Variants in WIZ observed in about 807,000 individuals in gnomAD.
WIZ encodes protein Wiz.
Under a neutral mutation model 140.2 loss-of-function variants are expected in WIZ, and 25 were observed. The observed-to-expected ratio is 0.18, with a 90% CI of 0.13 to 0.25. The LOEUF (loss-of-function observed/expected upper bound fraction) is 0.25, where lower values mean the gene tolerates loss of function less well. WIZ is among the 10% of genes least tolerant of loss of function. The probability of loss-of-function intolerance (pLI) is 1.00; values close to 1 mark genes in which losing one functional copy is unlikely to be tolerated. For synonymous variants in WIZ, 1,125 were observed against 1,154.3 expected (o/e 0.97, Z 0.51); for missense variants, 2,231 against 2,632.6 (o/e 0.85, Z 3.34).
Position 15,439,972 on chromosome 19 carries a change from G to T in WIZ, c.1022C>A (p.Pro341Gln), listed in dbSNP as rs866487031. Residue 341 changes from proline (P) to glutamine (Q), a missense_variant, in exon 4 of 13, where the codon CCG (proline) becomes CAG (glutamine). Pro to Gln is a moderately conservative substitution (Grantham distance 76). This residue lies in a region of WIZ where 475 missense variants were observed against 520.2 expected (regional missense o/e 0.91). Transcript: ENST00000673675. The surrounding 1 kb of genome is among the most constrained non-coding windows in gnomAD (Gnocchi z 7.0). ...LEHMSQHRRA[P>Q]GQEPPADLAP... ...CAGGTCCGCAGGGGGCTCCTGGCCCGGGGCTCGGCGGTGCTGGCTCATGTG... is the reference window on the plus strand; with the variant it reads ...CAGGTCCGCAGGGGGCTCCTGGCCCTGGGCTCGGCGGTGCTGGCTCATGTG... The T allele has an allele frequency of 1.3e-6, 2 of 1,535,604 alleles. No homozygotes were observed. The highest frequency in any genetic ancestry group is 1.4e-5 in the African/African-American group (1 of 73,140).
Position 15,422,924 on chromosome 19 carries a change from G to T in WIZ, c.*152C>A. Reference sequence around the variant, plus strand: ...GCAGCTAGCTGGCTCCCGGCGCCCTGGCTGTAGTGTGCCCGGCCCCCAAGG... The same window carrying T: ...GCAGCTAGCTGGCTCCCGGCGCCCTTGCTGTAGTGTGCCCGGCCCCCAAGG... On this transcript the variant is annotated 3_prime_UTR_variant, in exon 13 of 13. Coordinates refer to ENST00000673675, the MANE Select transcript of WIZ (RefSeq NM_001371589.1). The T allele has an allele frequency of 8.3e-7, 1 of 1,209,952 alleles. No individual in the cohort carries two copies. The highest frequency in any genetic ancestry group is 1.1e-6 in the Non-Finnish European group (1 of 894,998). The allele number at this position is 1,209,952 out of a possible 1,614,324, so 75.0% of individuals were successfully genotyped here. A position where few individuals can be genotyped will look rare whatever the true frequency, so the allele number is the denominator to read the frequency against.
rs570991099 is a variant in WIZ at position 15,428,095 on chromosome 19, G to A, written c.3814+15C>T. The stretch of plus-strand genomic sequence containing the variant: ...GGCCCGCAGTGAGGAGGGGGCAGCT[G>A]AAGCGAGAACCTACAGAGGTTGAGA... On this transcript the variant is annotated intron_variant, in intron 8 of 12. Transcript: ENST00000673675. This position sits in a 1 kb window ranked among gnomAD's most constrained non-coding sequence, Gnocchi z 6.4. The A allele has an allele frequency of 4.6e-6, 7 of 1,533,362 alleles. No homozygotes were observed. Among genetic ancestry groups the A allele is most frequent in the South Asian group, 2.4e-5 (2 of 83,930 alleles). The allele number at this position is 1,533,362 out of a possible 1,614,324, so 95.0% of individuals were successfully genotyped here. A position where few individuals can be genotyped will look rare whatever the true frequency, so the allele number is the denominator to read the frequency against.
At position 15,428,573 on chromosome 19, in the gene WIZ, T is replaced by C. The variant is rs1969012238; in HGVS notation, c.3416-65A>G. ...CTTGGCCGGCCTTGGGGGCCTGAGG[T>C]AGGAGGGTCTGGTGTGATTTTTGGC... On this transcript the variant is annotated intron_variant, in intron 7 of 12. Coordinates refer to ENST00000673675, the MANE Select transcript of WIZ (RefSeq NM_001371589.1). This position sits in a 1 kb window ranked among gnomAD's most constrained non-coding sequence, Gnocchi z 6.4. The C allele has an allele frequency of 6.5e-6, 10 of 1,528,788 alleles. No individual in the cohort carries two copies. The highest frequency in any genetic ancestry group is 7.9e-6 in the Non-Finnish European group (9 of 1,142,864). The allele number at this position is 1,528,788 out of a possible 1,614,324, so 94.7% of individuals were successfully genotyped here.
chr19:15,431,186 T>C lies in WIZ; in HGVS notation c.2741-4A>G. 6.6e-7 allele frequency: 1 copy of C among 1,512,010 alleles called. No homozygotes were observed. Among genetic ancestry groups the C allele is most frequent in the Non-Finnish European group, 8.8e-7 (1 of 1,131,642 alleles). 93.7% of individuals were successfully genotyped at this position (1,512,010 alleles called of 1,614,324 possible). ...GCGTTTTCCTCAGAACCCAGGCCTG[T>C]GGGTTGGGGAGACAGGCTCAGCCCA... On this transcript the variant is annotated splice_polypyrimidine_tract_variant and splice_region_variant and intron_variant, in intron 5 of 12. Transcript: ENST00000673675.
At position 15,430,000 on chromosome 19, in the gene WIZ, G is replaced by A. The variant is rs552734817; in HGVS notation, c.3001C>T (p.Leu1001=). ...SSHARSHLRQ[L]GVAESESSGA... ...CTGCTTTCCGACTCTGCCACTCCCA[G>A]CTGCCGCAGGTGGGAGCGCGCGTGG... The change falls in exon 7 of 13, where the codon CTG becomes TTG. Residue 1001 remains leucine (L), a synonymous_variant. Transcript: ENST00000673675. 19 of 1,536,030 alleles carry A rather than the reference G, an allele frequency of 1.2e-5. No homozygotes were observed. The African/African-American group carries it at 1.8e-4, about 14-fold the overall frequency.
chr19:15,435,925 C>A (rs1335806363), intron 5 of WIZ, among the ~76,000 whole-genome samples: 3 of 152,216 alleles, frequency 2.0e-5, no homozygotes, highest in East Asian at 1.9e-4. Flanking sequence ...GAGTTTGAGA[C>A]CAGCCTGGCC....
Position 15,438,765 on chromosome 19 carries a change from T to C in WIZ, c.2229A>G (p.Ala743=). 1 of 1,535,128 alleles carries C rather than the reference T, an allele frequency of 6.5e-7. No homozygotes were observed. The change falls in exon 4 of 13, where the codon GCA becomes GCG. Residue 743 remains alanine (A), a synonymous_variant. Transcript: ENST00000673675. ...GGCATTTCCGCTCCTCGTGCTTCAGTGCCATGGCCGGATCCCCATCCAGGA... is the reference window on the plus strand; with the variant it reads ...GGCATTTCCGCTCCTCGTGCTTCAGCGCCATGGCCGGATCCCCATCCAGGA... ...DTLLDGDPAM[A]LKHEERKCPY...
At chr19:15,432,337 G>T (rs12459348) in intron 5 of WIZ, 492,458 of 656,284 alleles carry the variant, frequency 0.75, 185,788 homozygotes, top group East Asian at 0.99. Context: ...GGAGGGGGGG[G>T]TCCCGCAGAC....
At chr19:15,426,059 C>G (rs1172391846) in intron 9 of WIZ, among the ~76,000 whole-genome samples, 1 of 151,766 alleles carries the variant, frequency 6.6e-6, no homozygotes, top group Non-Finnish European at 1.5e-5. Flanking sequence ...CTTTTAACAT[C>G]TGGCTCTTCT....
Position 15,424,583 on chromosome 19 carries a change from G to A in WIZ, c.5314+30C>T, listed in dbSNP as rs753155525. ...GGTGGGCCTGACAGGTGCCCGCTGC[G>A]CTCCCGACCCTCCTCCACCAAGCAC... On this transcript the variant is annotated intron_variant, in intron 11 of 12. Coordinates refer to ENST00000673675, the MANE Select transcript of WIZ (RefSeq NM_001371589.1). The surrounding 1 kb of genome is among the most constrained non-coding windows in gnomAD (Gnocchi z 9.7). The A allele has an allele frequency of 5.1e-6, 8 of 1,565,698 alleles. No homozygotes were observed. The Admixed American group carries it at 5.4e-5, about 11-fold the overall frequency.
In WIZ at chr19:15,439,125, C is replaced by A. The variant is rs1599700073; in HGVS notation, c.1869G>T (p.Glu623Asp). 2.0e-6 allele frequency: 3 copies of A among 1,486,820 alleles called. No individual in the cohort carries two copies. The East Asian group carries it at 7.5e-5, about 37-fold the overall frequency. The allele number at this position is 1,486,820 out of a possible 1,614,324, so 92.1% of individuals were successfully genotyped here. A position where few individuals can be genotyped will look rare whatever the true frequency, so the allele number is the denominator to read the frequency against. The change falls in exon 4 of 13, where the codon GAG becomes GAT. Residue 623 changes from glutamate to aspartate, a missense_variant. By Grantham distance (45) the Glu-to-Asp change is conservative (BLOSUM62 2). Transcript: ENST00000673675. The surrounding 1 kb of genome is among the most constrained non-coding windows in gnomAD (Gnocchi z 7.0). Reference sequence around the variant, plus strand: ...TCTCGGAGGTCAGCACTACATCCTCCTCCTCCTCCTCCTCCTCCTCCTCTT... The same window carrying A: ...TCTCGGAGGTCAGCACTACATCCTCATCCTCCTCCTCCTCCTCCTCCTCTT... ...WSEEEEEEEE[E>D]EDVVLTSEMD...
At position 15,423,255 on chromosome 19, in the gene WIZ, G is replaced by T; in HGVS notation, c.5511-20C>A. ...CAGAACCTGCATGGGGGAACAGAGA[G>T]AGGGAGTGGCCAGTGCTGTGAGGAG... On this transcript the variant is annotated intron_variant, in intron 12 of 12. Transcript: ENST00000673675. 6.2e-7 allele frequency: 1 copy of T among 1,612,116 alleles called. No individual in the cohort carries two copies.
Position 15,440,773 on chromosome 19 carries a change from G to A in WIZ, c.279-58C>T. The A allele has an allele frequency of 7.0e-7, 1 of 1,427,854 alleles. No individual in the cohort carries two copies. The highest frequency in any genetic ancestry group is 9.2e-7 in the Non-Finnish European group (1 of 1,090,756). The allele number at this position is 1,427,854 out of a possible 1,614,324, so 88.4% of individuals were successfully genotyped here. ...CATGGGCTGCAGTTTTCCTTCCTAG[G>A]GTGGTGATGGGGGTCCTCCCAGGCC... On this transcript the variant is annotated intron_variant, in intron 3 of 12. Coordinates refer to ENST00000673675, the MANE Select transcript of WIZ (RefSeq NM_001371589.1). The surrounding 1 kb of genome is among the most constrained non-coding windows in gnomAD (Gnocchi z 6.2).
intron 2 of WIZ, among the ~76,000 whole-genome samples, chr19:15,447,093 G>A (rs1364811321): frequency 6.6e-6 from 1 of 152,198 alleles, no homozygotes; most frequent in African/African-American, 2.4e-5. Flanking sequence ...TATTCCACAG[G>A]GTTCTTTGGA....
At chr19:15,434,661 G>A (rs1345896279) in intron 5 of WIZ, among the ~76,000 whole-genome samples, 5 of 151,388 alleles carry the variant, frequency 3.3e-5, no homozygotes, top group Non-Finnish European at 1.5e-5. Flanking sequence ...GATACCCCCT[G>A]TTCAGACACT....
chr19:15,423,993 TG>T (rs1215458790), intron 12 of WIZ, 189 bp downstream of exon 12: 3 of 501,120 alleles, frequency 6.0e-6, no homozygotes, highest in Non-Finnish European at 1.0e-5. Flanking sequence ...GTGGCAGAGT[TG>T]GGATTTGAAC....
chr19:15,424,333 C>T lies in WIZ; in HGVS notation c.5360G>A (p.Arg1787Gln), dbSNP rs768943056. Residue 1787 changes from arginine (R) to glutamine (Q), a missense_variant, in exon 12 of 13, where the codon CGG (arginine) becomes CAG (glutamine). Around this residue, in one of 15 missense-constraint regions of WIZ, gnomAD observed 299 missense variants for 309.6 expected, o/e 0.97. Transcript: ENST00000673675. The surrounding 1 kb of genome is among the most constrained non-coding windows in gnomAD (Gnocchi z 9.7). ...TAGGTCATTGGTGTCCTCGCCTCCC[C>T]GGGCTGCGGAGGCATCTGGAGGGCG... is the stretch of plus-strand genomic sequence containing the variant. ...QARPPDASAA[R>Q]GGEDTNDLQQ... 18 of 1,603,548 alleles carry T rather than the reference C, an allele frequency of 1.1e-5. No homozygotes were observed. The highest frequency in any genetic ancestry group is 2.3e-5 in the East Asian group (1 of 44,068).
rs772408903 is a variant in WIZ at position 15,448,208 on chromosome 19, C to G, written c.100G>C (p.Ala34Pro). 2 of 1,613,266 alleles carry G rather than the reference C, an allele frequency of 1.2e-6. No individual in the cohort carries two copies. Among genetic ancestry groups the G allele is most frequent in the Admixed American group, 1.7e-5 (1 of 59,970 alleles). Residue 34 changes from alanine to proline, a missense_variant, in exon 2 of 13, where the codon GCC (alanine) becomes CCC (proline). This residue lies in a region of WIZ where 85 missense variants were observed against 90.9 expected (regional missense o/e 0.94). Coordinates refer to ENST00000673675, the MANE Select transcript of WIZ (RefSeq NM_001371589.1). ...PAPRENIEGG[A>P]EAAEGEGGIF... is the part of the protein sequence containing the mutation. ...CCACCTTCCCCCTCAGCAGCTTCGGCCCCACCCTCGATGTTCTCCCTTGGC... is the reference window on the plus strand; with the variant it reads ...CCACCTTCCCCCTCAGCAGCTTCGGGCCCACCCTCGATGTTCTCCCTTGGC...
At chr19:15,425,829 AGGAGGAGGG>A in intron 9 of WIZ, 61 bp from the exon 10 acceptor site, 1 of 43,764 alleles carries the variant, frequency 2.3e-5, no homozygotes, top group Non-Finnish European at 3.8e-5. Flanking sequence ...AGGAGGAGGG[AGGAGGAGGG>A]AGGAGGAGGA....
Sources: gnomAD v4.1 joint callset for allele counts (sites outside exome capture counted in the v4.1 genomes callset) on GRCh38, gnomAD v4.1.1 for gene constraint, gnomAD v4.1.1 regional missense constraint, Gnocchi (gnomAD v3.1) non-coding constraint, MANE v1.5 for transcripts, NCBI Gene and HGNC (gene_info 2026-07-23, HGNC 2026-07-21) for gene names.